The following EML6 variants were observed in gnomAD, a reference collection of about 807,000 sequenced individuals.
The protein encoded by EML6 is echinoderm microtubule-associated protein-like 6.
A neutral mutation model predicts 240.1 loss-of-function variants in EML6; 154 were observed. The observed-to-expected ratio is 0.64, with a 90% confidence interval of 0.56 to 0.73. The LOEUF (loss-of-function observed/expected upper bound fraction) is 0.73. Ranked by LOEUF, EML6 falls within the 30% of genes least tolerant of loss-of-function variation. The pLI, the probability that EML6 is intolerant of heterozygous loss-of-function variation, is 0.00. For synonymous variants in EML6, 1,148 were observed against 899.0 expected (o/e 1.28, Z -4.95); for missense variants, 2,964 against 2,474.6 (o/e 1.20, Z -4.20).
At chr2:54,936,215 C>T (rs1460153579) in intron 28 of EML6, among the ~76,000 whole-genome samples, 2 of 152,188 alleles carry the variant, frequency 1.3e-5, no homozygotes, top group Admixed American at 6.5e-5. Flanking sequence ...GGTAACTACA[C>T]GATCACAAAG....
intron 2 of EML6, among the ~76,000 whole-genome samples, chr2:54,767,354 A>G (rs940274806): frequency 6.6e-6 from 1 of 152,206 alleles, no homozygotes; most frequent in African/African-American, 2.4e-5. Context: ...ATATGATGAT[A>G]AAGTAGAATC....
chr2:54,732,632 A>G (rs1683225012), intron 2 of EML6, among the ~76,000 whole-genome samples: 1 of 152,214 alleles, frequency 6.6e-6, no homozygotes, highest in Admixed American at 6.5e-5. Flanking sequence ...CATGTAGAAG[A>G]TGCTGAATGT....
chr2:54,961,184 G>GTTTTTTTT (rs575621987), intron 35 of EML6, among the ~76,000 whole-genome samples: 11 of 55,390 alleles, frequency 2.0e-4, no homozygotes, highest in African/African-American at 4.0e-4. Context: ...TCAGGAAGTA[G>GTTTTTTTT]TTTTTTTTTT....
chr2:54,878,567 C>G (rs150239725), intron 16 of EML6, among the ~76,000 whole-genome samples: 1 of 152,260 alleles, frequency 6.6e-6, no homozygotes, highest in East Asian at 1.9e-4. Context: ...ATTGTGCATT[C>G]AGTATATTTT....
chr2:54,840,143 C>T (rs1669365829), intron 7 of EML6, among the ~76,000 whole-genome samples: 2 of 152,130 alleles, frequency 1.3e-5, no homozygotes, highest in Non-Finnish European at 2.9e-5. Context: ...AGATACTTGA[C>T]CAAATACAGC....
chr2:54,886,632 T>C (rs946905905), intron 17 of EML6, among the ~76,000 whole-genome samples: 1 of 152,230 alleles, frequency 6.6e-6, no homozygotes, highest in African/African-American at 2.4e-5. Flanking sequence ...GTCATTTTTA[T>C]TATAGCCACC....
chr2:54,866,646 C>G, intron 13 of EML6, 120 bp from the exon 14 acceptor site: 1 of 529,068 alleles, frequency 1.9e-6, no homozygotes, highest in Non-Finnish European at 3.4e-6. Flanking sequence ...ATTCTCATGT[C>G]TTAAGTTTTC....
intron 35 of EML6, among the ~76,000 whole-genome samples, chr2:54,961,200 T>TTTTTTTTTTTTTTTTTA (rs1558729674): frequency 7.4e-6 from 1 of 135,212 alleles, no homozygotes; most frequent in African/African-American, 2.8e-5. Flanking sequence ...TTTTTTTTTT[T>TTTTTTTTTTTTTTTTTA]TTTGAGACGG....
chr2:54,834,936 T>G (rs752983271), intron 7 of EML6, among the ~76,000 whole-genome samples: 1 of 152,206 alleles, frequency 6.6e-6, no homozygotes, highest in Non-Finnish European at 1.5e-5. Context: ...GATCACATAA[T>G]TGCTTTCCTC....
intron 28 of EML6, among the ~76,000 whole-genome samples, chr2:54,948,097 A>C (rs1443902078): frequency 6.6e-6 from 1 of 152,104 alleles, no homozygotes; most frequent in East Asian, 1.9e-4. Flanking sequence ...TTCTTTCTCG[A>C]CCCATCCATA....
At chr2:54,799,392 C>G (rs956257485) in intron 2 of EML6, among the ~76,000 whole-genome samples, 1 of 151,712 alleles carries the variant, frequency 6.6e-6, no homozygotes, top group South Asian at 2.1e-4. Flanking sequence ...GATGGAGCCT[C>G]TGGTGTGTGG....
At chr2:54,817,552 A>G (rs1668134075) in intron 4 of EML6, among the ~76,000 whole-genome samples, 1 of 152,236 alleles carries the variant, frequency 6.6e-6, no homozygotes, top group African/African-American at 2.4e-5. Flanking sequence ...GTGTTAATGT[A>G]GAATAGGCAT....
chr2:54,783,917 A>G (rs1039310696), intron 2 of EML6, among the ~76,000 whole-genome samples: 1 of 152,132 alleles, frequency 6.6e-6, no homozygotes. Context: ...ACATTAGTGT[A>G]TTATTATGTT....
intron 2 of EML6, among the ~76,000 whole-genome samples, chr2:54,808,644 C>G (rs1399496173): frequency 6.6e-6 from 1 of 152,098 alleles, no homozygotes; most frequent in African/African-American, 2.4e-5. Flanking sequence ...AAATGCTGCA[C>G]TTGGAACAAG....
chr2:54,957,732 C>G, intron 32 of EML6, 58 bp from the exon 33 acceptor site: 2 of 1,499,644 alleles, frequency 1.3e-6, no homozygotes, highest in Non-Finnish European at 1.8e-6. Flanking sequence ...GGCTGCGGCT[C>G]CCCCGGCCTG....
intron 28 of EML6, among the ~76,000 whole-genome samples, chr2:54,938,984 G>A (rs1405063995): frequency 6.6e-6 from 1 of 152,166 alleles, no homozygotes; most frequent in African/African-American, 2.4e-5. Context: ...CAAGTAGGTT[G>A]TCAACTCTGT....
chr2:54,812,956 C>T (rs541092157), intron 2 of EML6, among the ~76,000 whole-genome samples: 6 of 152,230 alleles, frequency 3.9e-5, no homozygotes, highest in Admixed American at 6.5e-5. Flanking sequence ...ACTATACAGA[C>T]GATTTTAAAT....
chr2:54,902,709 C>T (rs1433546194), intron 22 of EML6, among the ~76,000 whole-genome samples: 1 of 152,110 alleles, frequency 6.6e-6, no homozygotes, highest in African/African-American at 2.4e-5. Flanking sequence ...TATTTCTTTA[C>T]TTTTTGTACA....
At chr2:54,743,086 T>C (rs1683726377) in intron 2 of EML6, among the ~76,000 whole-genome samples, 1 of 152,226 alleles carries the variant, frequency 6.6e-6, no homozygotes, top group South Asian at 2.1e-4. Flanking sequence ...TAATAAAAAC[T>C]AGTAAGATAA....
Sources: allele counts gnomAD v4.1 joint callset (sites outside exome capture counted in the v4.1 genomes callset), GRCh38; gene constraint gnomAD v4.1.1; transcripts MANE v1.5; gene names NCBI Gene and HGNC (gene_info 2026-07-23, HGNC 2026-07-21).